The following USP49 variants were observed in gnomAD, a reference collection of about 807,000 sequenced individuals.
USP49 encodes the protein ubiquitin carboxyl-terminal hydrolase 49.
Under a neutral mutation model 58.6 loss-of-function variants are expected in USP49, and 24 were observed. That is an observed-to-expected ratio of 0.41 (90% CI 0.30 to 0.58). The LOEUF (loss-of-function observed/expected upper bound fraction) is 0.58. Among genes scored for constraint, USP49 ranks in the 20% least tolerant of loss-of-function variants. The pLI is 0.30. For missense variants in USP49, 703 were observed against 866.1 expected (o/e 0.81, Z 2.36); for synonymous variants, 408 against 365.1 (o/e 1.12, Z -1.34).
At chr6:41,825,405 T>A (rs1773520659) in intron 3 of USP49, among the ~76,000 whole-genome samples, 1 of 151,498 alleles carries the variant, frequency 6.6e-6, no homozygotes, top group Non-Finnish European at 1.5e-5. Flanking sequence ...AGCCTTAAGG[T>A]TGTAATGGAC....
At chr6:41,812,432 G>A (rs1284406526) in intron 3 of USP49, among the ~76,000 whole-genome samples, 1 of 149,444 alleles carries the variant, frequency 6.7e-6, no homozygotes, top group South Asian at 2.2e-4. Context: ...CAGTGCTCAC[G>A]CCTGCAATCG....
rs1772882866 is a variant in USP49, at chr6:41,796,199, A to C, written c.*334T>G. Reference sequence around the variant, plus strand: ...TTAGCAGGGGAATCACATCATGGAGAGAAAACATGGCTGCTCTCCTGTGTG... The same window carrying C: ...TTAGCAGGGGAATCACATCATGGAGCGAAAACATGGCTGCTCTCCTGTGTG... On this transcript the variant is annotated 3_prime_UTR_variant, in exon 8 of 8. Transcript: ENST00000682992. 1 of 220,160 alleles carries C rather than the reference A, an allele frequency of 4.5e-6. No homozygotes were observed. Among genetic ancestry groups the C allele is most frequent in the East Asian group, 9.7e-5 (1 of 10,346 alleles). 13.6% of individuals were successfully genotyped at this position (220,160 alleles called of 1,614,324 possible). A position where few individuals can be genotyped will look rare whatever the true frequency, so the allele number is the denominator to read the frequency against.
chr6:41,882,529 G>A (rs1413572527), intron 2 of USP49, among the ~76,000 whole-genome samples: 1 of 152,198 alleles, frequency 6.6e-6, no homozygotes, highest in African/African-American at 2.4e-5. Context: ...AGACAATCTG[G>A]ATGATCTAAG....
In USP49 at chr6:41,855,758, T is replaced by C. The variant is rs575408696; in HGVS notation, c.-29+15806A>G. Among the ~76,000 whole-genome samples the C allele has an allele frequency of 5.3e-5, 8 of 151,860 alleles. No homozygotes were observed. The South Asian group carries it at 1.0e-3, about 20-fold the overall frequency. ...ACACACTTAAGGCTTTAAAAACTTG[T>C]AATATTAGGCCAGGCACTGTGGCTT... On this transcript the variant is annotated intron_variant, in intron 3 of 7. Transcript: ENST00000682992.
rs369696948 is a variant in USP49 at position 41,797,674 on chromosome 6, G to A, written c.1877-951C>T. ...TGTTCTCGGCTTTATTATAAGCTGC[G>A]GCTAGTGAGATTCATACAATATCTC... On this transcript the variant is annotated intron_variant, in intron 7 of 7. Transcript: ENST00000682992. 3.6e-4 allele frequency: 355 copies of A among 985,802 alleles called. No individual in the cohort carries two copies. The East Asian group carries it at 4.4e-3, about 12-fold the overall frequency. The allele number at this position is 985,802 out of a possible 1,614,324, so 61.1% of individuals were successfully genotyped here.
At chr6:41,890,208 T>C (rs779158377) in intron 2 of USP49, among the ~76,000 whole-genome samples, 2 of 151,874 alleles carry the variant, frequency 1.3e-5, no homozygotes, top group Non-Finnish European at 1.5e-5. Context: ...TGAAATCCCG[T>C]CTCTACTAAA....
intron 3 of USP49, among the ~76,000 whole-genome samples, chr6:41,810,100 C>T (rs1023581145): frequency 2.7e-5 from 4 of 150,796 alleles, no homozygotes; most frequent in Admixed American, 6.6e-5. Flanking sequence ...TGCAGTGAGC[C>T]GAGATCGCGC....
rs917659530 is a variant in USP49, at chr6:41,807,109, T to C, written c.-28-98A>G. 30 of 1,213,726 alleles carry C rather than the reference T, an allele frequency of 2.5e-5. No individual in the cohort carries two copies. In the African/African-American group the frequency reaches 4.2e-4, roughly 17 times the overall value. 75.2% of individuals were successfully genotyped at this position (1,213,726 alleles called of 1,614,324 possible). A position where few individuals can be genotyped will look rare whatever the true frequency, so the allele number is the denominator to read the frequency against. On this transcript the variant is annotated intron_variant, in intron 3 of 7. Coordinates refer to ENST00000682992, the MANE Select transcript of USP49 (RefSeq NM_001286554.2). ...AAAAAAAAAAGTAAAAGGCTTGCAA[T>C]TGATATTTCAACTCTAGATTCATTC...
At chr6:41,811,087 T>G (rs1474878020) in intron 3 of USP49, among the ~76,000 whole-genome samples, 1 of 152,178 alleles carries the variant, frequency 6.6e-6, no homozygotes, top group Non-Finnish European at 1.5e-5. Context: ...AATTAGAGAT[T>G]CTTCCCTTTT....
intron 5 of USP49, 124 bp from the exon 6 acceptor site, chr6:41,800,062 T>TG (rs909690119): frequency 1.5e-5 from 12 of 794,322 alleles, no homozygotes; most frequent in Non-Finnish European, 1.9e-5. Flanking sequence ...CTCAATTTTT[T>TG]GGGGGGCGCA....
chr6:41,808,543 G>A (rs1773185115), intron 3 of USP49, among the ~76,000 whole-genome samples: 1 of 151,662 alleles, frequency 6.6e-6, no homozygotes. Flanking sequence ...CCGAGTAGCT[G>A]GGACTAAAGG....
At chr6:41,887,993 A>G (rs997666283) in intron 2 of USP49, among the ~76,000 whole-genome samples, 1 of 150,124 alleles carries the variant, frequency 6.7e-6, no homozygotes, top group Non-Finnish European at 1.5e-5. Context: ...TTTCCAAACA[A>G]TTTGTAATTT....
At chr6:41,817,991 T>C (rs1773387257) in intron 3 of USP49, among the ~76,000 whole-genome samples, 1 of 152,192 alleles carries the variant, frequency 6.6e-6, no homozygotes, top group Admixed American at 6.5e-5. Context: ...CTACTATTAA[T>C]GATATTTTCA....
At chr6:41,888,699 C>T (rs976701682) in intron 2 of USP49, among the ~76,000 whole-genome samples, 13 of 151,670 alleles carry the variant, frequency 8.6e-5, no homozygotes, top group African/African-American at 7.3e-5. Context: ...GTGATCCACC[C>T]GCCTCAGCCT....
At position 41,818,578 on chromosome 6, in the gene USP49, C is replaced by T. The variant is rs182060300; in HGVS notation, c.-28-11567G>A. Reference sequence around the variant, plus strand: ...AAGCATGACATGCATTTTGAGCCACCCCAGGATCCTGTCCCCAATTTGTCC... The same window carrying T: ...AAGCATGACATGCATTTTGAGCCACTCCAGGATCCTGTCCCCAATTTGTCC... On this transcript the variant is annotated intron_variant, in intron 3 of 7. Coordinates refer to ENST00000682992, the MANE Select transcript of USP49 (RefSeq NM_001286554.2). Among the ~76,000 whole-genome samples, 351 of 152,238 alleles carry T rather than the reference C, an allele frequency of 2.3e-3. 4 individuals carry two copies. Among genetic ancestry groups the T allele is most frequent in the Admixed American group, 1.6e-3 (24 of 15,288 alleles).
At chr6:41,801,575 C>G (rs886300709) in intron 5 of USP49, among the ~76,000 whole-genome samples, 1 of 152,212 alleles carries the variant, frequency 6.6e-6, no homozygotes, top group African/African-American at 2.4e-5. Context: ...AAAATTACTG[C>G]AGCTCTGGCT....
At chr6:41,818,109 G>GT (rs1276959612) in intron 3 of USP49, among the ~76,000 whole-genome samples, 1 of 152,156 alleles carries the variant, frequency 6.6e-6, no homozygotes. Flanking sequence ...ATCAAGATCT[G>GT]TAAGATGACT....
At chr6:41,852,179 G>A (rs1043006936) in intron 3 of USP49, among the ~76,000 whole-genome samples, 1 of 151,922 alleles carries the variant, frequency 6.6e-6, no homozygotes, top group Non-Finnish European at 1.5e-5. Flanking sequence ...TACAAAATTA[G>A]TTGGGTGTGG....
At chr6:41,871,910 T>C (rs1774418228) in intron 2 of USP49, among the ~76,000 whole-genome samples, 1 of 152,228 alleles carries the variant, frequency 6.6e-6, no homozygotes, top group Non-Finnish European at 1.5e-5. Context: ...CTGCATTTGT[T>C]TTAGGTCTTA....
Sources: allele counts gnomAD v4.1 joint callset (sites outside exome capture counted in the v4.1 genomes callset), GRCh38; gene constraint gnomAD v4.1.1; transcripts MANE v1.5; gene names NCBI Gene and HGNC (gene_info 2026-07-23, HGNC 2026-07-21).